The following CSMD1 variants were observed in gnomAD, a reference collection of about 807,000 sequenced individuals.
CSMD1 encodes the protein CUB and sushi domain-containing protein 1.
CSMD1 carries 213 observed loss-of-function variants against 417.5 expected under a neutral mutation model. The observed-to-expected ratio is 0.51, with a 90% confidence interval of 0.46 to 0.57. CSMD1 has a LOEUF of 0.57. Among genes scored for constraint, CSMD1 ranks in the 20% least tolerant of loss-of-function variants. CSMD1 has a pLI of 0.00. For synonymous variants in CSMD1, 2,862 were observed against 1,736.8 expected (o/e 1.65, Z -16.11); for missense variants, 6,923 against 4,529.7 (o/e 1.53, Z -15.17).
At chr8:4,947,258 C>T (rs1262883565) in intron 1 of CSMD1, among the ~76,000 whole-genome samples, 1 of 152,068 alleles carries the variant, frequency 6.6e-6, no homozygotes, top group South Asian at 2.1e-4. Flanking sequence ...TTAAAATTAC[C>T]TTGGCAATGA....
At chr8:4,319,609 A>G (rs1799148791) in intron 3 of CSMD1, among the ~76,000 whole-genome samples, 1 of 152,140 alleles carries the variant, frequency 6.6e-6, no homozygotes, top group African/African-American at 2.4e-5. Flanking sequence ...GATTCCTGAG[A>G]GAAGAAAACA....
chr8:4,820,101 G>C (rs1374327563), intron 1 of CSMD1, among the ~76,000 whole-genome samples: 2 of 152,082 alleles, frequency 1.3e-5, no homozygotes, highest in East Asian at 1.9e-4. Flanking sequence ...AGCCACCTAA[G>C]GCAAATCTGA....
At chr8:4,695,213 G>T (rs775292727) in intron 1 of CSMD1, among the ~76,000 whole-genome samples, 5 of 151,752 alleles carry the variant, frequency 3.3e-5, no homozygotes, top group African/African-American at 4.8e-5. Context: ...CCTTCCTATG[G>T]AAAGCTTGCC....
At position 4,176,735 on chromosome 8, in the gene CSMD1, A is replaced by T. The variant is rs1336855780; in HGVS notation, c.416-144636T>A. ...GCTCAAAATAAAAGGATGGAGGAAG[A>T]TCTACCAAGCAAATGGAAAACAAAA... On this transcript the variant is annotated intron_variant, in intron 3 of 69. Transcript: ENST00000635120. Among the ~76,000 whole-genome samples, 3 of 150,564 alleles carry T rather than the reference A, an allele frequency of 2.0e-5. No homozygotes were observed. The Admixed American group carries it at 2.0e-4, about 10-fold the overall frequency.
chr8:3,651,895 C>T (rs1406160771), intron 7 of CSMD1, among the ~76,000 whole-genome samples: 2 of 151,530 alleles, frequency 1.3e-5, no homozygotes, highest in African/African-American at 4.9e-5. Context: ...ATGCTTACTA[C>T]CATCAGAGTG....
At chr8:3,817,561 G>C (rs1585041595) in intron 5 of CSMD1, among the ~76,000 whole-genome samples, 1 of 151,994 alleles carries the variant, frequency 6.6e-6, no homozygotes, top group Admixed American at 6.6e-5. Flanking sequence ...TTGCAGGCAT[G>C]AGCCACTGCG....
intron 1 of CSMD1, among the ~76,000 whole-genome samples, chr8:4,833,667 T>C (rs1266024211): frequency 3.3e-5 from 5 of 152,194 alleles, no homozygotes; most frequent in South Asian, 4.1e-4. Flanking sequence ...ACGTAGAGTG[T>C]TGCCTGCACA....
intron 25 of CSMD1, among the ~76,000 whole-genome samples, chr8:3,299,643 G>C (rs1804240849): frequency 6.6e-6 from 1 of 152,114 alleles, no homozygotes; most frequent in African/African-American, 2.4e-5. Context: ...GTCCAGCCAA[G>C]AGAAAGCAGG....
chr8:3,026,048 C>T (rs1183398318), intron 51 of CSMD1, among the ~76,000 whole-genome samples: 4 of 152,078 alleles, frequency 2.6e-5, no homozygotes, highest in Non-Finnish European at 5.9e-5. Context: ...TGAGTGAGGG[C>T]AGAACTCTGA....
intron 11 of CSMD1, among the ~76,000 whole-genome samples, chr8:3,469,858 C>G (rs1294185023): frequency 6.6e-6 from 1 of 152,194 alleles, no homozygotes. Flanking sequence ...TCTGTGAATG[C>G]TGTGTGGTTA....
intron 2 of CSMD1, among the ~76,000 whole-genome samples, chr8:4,603,372 T>A (rs1165109601): frequency 6.6e-6 from 1 of 152,114 alleles, no homozygotes; most frequent in Non-Finnish European, 1.5e-5. Flanking sequence ...CAAAACATTA[T>A]ATATTAAACC....
chr8:4,718,195 T>G (rs867104530), intron 1 of CSMD1, among the ~76,000 whole-genome samples: 1 of 152,154 alleles, frequency 6.6e-6, no homozygotes, highest in Non-Finnish European at 1.5e-5. Context: ...CAGGCTGGTC[T>G]CAAACTCCTG....
chr8:4,735,640 A>G (rs1329196809), intron 1 of CSMD1, among the ~76,000 whole-genome samples: 1 of 152,218 alleles, frequency 6.6e-6, no homozygotes, highest in African/African-American at 2.4e-5. Context: ...GAAGACTAAT[A>G]GAAGCTAGCA....
At chr8:3,980,617 T>C (rs146385700) in intron 5 of CSMD1, among the ~76,000 whole-genome samples, 1 of 152,234 alleles carries the variant, frequency 6.6e-6, no homozygotes, top group African/African-American at 2.4e-5. Context: ...GCCCCAATGA[T>C]GCCTTACTTT....
intron 51 of CSMD1, among the ~76,000 whole-genome samples, chr8:3,025,441 T>C (rs977249711): frequency 6.6e-6 from 1 of 151,946 alleles, no homozygotes; most frequent in South Asian, 2.1e-4. Flanking sequence ...AAACCGTGTA[T>C]TGTGTGGTGT....
At chr8:3,274,822 C>T (rs573028571) in intron 26 of CSMD1, among the ~76,000 whole-genome samples, 3 of 152,124 alleles carry the variant, frequency 2.0e-5, no homozygotes, top group Admixed American at 6.6e-5. Flanking sequence ...CTATGTGTGT[C>T]TGTACCCGTG....
intron 2 of CSMD1, among the ~76,000 whole-genome samples, chr8:4,549,987 G>C (rs1233470133): frequency 6.6e-6 from 1 of 150,954 alleles, no homozygotes; most frequent in Non-Finnish European, 1.5e-5. Context: ...TAACTTTTGA[G>C]TCACATTTCT....
intron 26 of CSMD1, among the ~76,000 whole-genome samples, chr8:3,252,740 G>T (rs747248346): frequency 1.3e-5 from 2 of 152,090 alleles, no homozygotes; most frequent in South Asian, 2.1e-4. Context: ...CAATTTCAGA[G>T]CCTGTTATTC....
intron 3 of CSMD1, among the ~76,000 whole-genome samples, chr8:4,288,396 C>A (rs1193866654): frequency 6.6e-6 from 1 of 152,154 alleles, no homozygotes; most frequent in African/African-American, 2.4e-5. Flanking sequence ...GAATGACCTA[C>A]AAATATCTCA....
Sources: allele counts gnomAD v4.1 joint callset (sites outside exome capture counted in the v4.1 genomes callset), GRCh38; gene constraint gnomAD v4.1.1; transcripts MANE v1.5; gene names NCBI Gene and HGNC (gene_info 2026-07-23, HGNC 2026-07-21).